CNBD1: variants seen among roughly 807,000 people sequenced by gnomAD.
CNBD1 encodes the protein cyclic nucleotide-binding domain-containing protein 1.
In CNBD1, 71 loss-of-function variants were observed where a neutral mutation model predicts 54.4. The ratio of observed to expected loss-of-function variants is 1.30; its 90% CI spans 1.08 to 1.59. The LOEUF is 1.59. Among genes scored for constraint, CNBD1 ranks in the 40% most tolerant of loss-of-function variants. The probability of loss-of-function intolerance (pLI) is 0.00; values close to 1 mark genes in which losing one functional copy is unlikely to be tolerated. For synonymous variants in CNBD1, 182 were observed against 170.7 expected (o/e 1.07, Z -0.51); for missense variants, 659 against 518.0 (o/e 1.27, Z -2.64).
chr8:87,341,768 CA>C (rs1810068328), intron 8 of CNBD1, among the ~76,000 whole-genome samples: 1 of 152,208 alleles, frequency 6.6e-6, no homozygotes, highest in Non-Finnish European at 1.5e-5. Context: ...AAGTAGAGAG[CA>C]AAACCTTACC....
intron 4 of CNBD1, among the ~76,000 whole-genome samples, chr8:87,179,726 G>C (rs1330850355): frequency 3.3e-5 from 5 of 152,260 alleles, no homozygotes; most frequent in Non-Finnish European, 7.3e-5. Context: ...GTGCAATATA[G>C]AGTTTATAAT....
chr8:86,981,396 C>A (rs1010676902), intron 4 of CNBD1, among the ~76,000 whole-genome samples: 1 of 152,082 alleles, frequency 6.6e-6, no homozygotes, highest in Non-Finnish European at 1.5e-5. Context: ...TTACCATGTT[C>A]TCTTGGTAAC....
chr8:87,412,102 A>G (rs1040168274), intron 2 of CNBD1, among the ~76,000 whole-genome samples: 4 of 152,006 alleles, frequency 2.6e-5, no homozygotes, highest in Non-Finnish European at 4.4e-5. Context: ...AAGTGTTTAG[A>G]AAAAAATTAA....
Position 87,265,658 on chromosome 8 carries a change from C to T in CNBD1, c.772-19020C>T, listed in dbSNP as rs184600479. On this transcript the variant is annotated intron_variant, in intron 6 of 10. Transcript: ENST00000518476. ...CAATCTTTGAGCTAAATCTAGGCTGCAGTCTCTTTTTCTTAATAAAGTTTT... is the reference window on the plus strand; with the variant it reads ...CAATCTTTGAGCTAAATCTAGGCTGTAGTCTCTTTTTCTTAATAAAGTTTT... Among the ~76,000 whole-genome samples, 45 of 152,168 alleles carry T rather than the reference C, an allele frequency of 3.0e-4. 1 individual carries two copies. The East Asian group carries it at 8.3e-3, about 28-fold the overall frequency.
intron 5 of CNBD1, among the ~76,000 whole-genome samples, chr8:87,235,665 A>T (rs1050276421): frequency 1.3e-5 from 2 of 152,178 alleles, no homozygotes; most frequent in Non-Finnish European, 2.9e-5. Context: ...ATCACAGATC[A>T]CAACAGATAT....
chr8:87,349,622 G>A (rs1053955306), intron 8 of CNBD1, among the ~76,000 whole-genome samples: 1 of 152,130 alleles, frequency 6.6e-6, no homozygotes, highest in African/African-American at 2.4e-5. Flanking sequence ...TGATCTGCCC[G>A]CCTCGGCCTC....
At chr8:87,312,270 T>C (rs1809283559) in intron 8 of CNBD1, among the ~76,000 whole-genome samples, 1 of 152,128 alleles carries the variant, frequency 6.6e-6, no homozygotes, top group Admixed American at 6.6e-5. Flanking sequence ...GTTGCAAGGT[T>C]GCAATGCTTT....
chr8:87,425,620 T>G (rs1436795858), intron 2 of CNBD1, among the ~76,000 whole-genome samples: 2 of 152,106 alleles, frequency 1.3e-5, no homozygotes, highest in Non-Finnish European at 2.9e-5. Flanking sequence ...TGCCTCCCAG[T>G]TAGGCTGCTC....
intron 4 of CNBD1, among the ~76,000 whole-genome samples, chr8:87,056,533 A>G (rs1348338340): frequency 6.6e-6 from 1 of 152,222 alleles, no homozygotes; most frequent in African/African-American, 2.4e-5. Context: ...CGGGTTATAA[A>G]CCAACAGTAT....
At chr8:87,116,195 C>CTTTTTTTTTTT (rs71556428) in intron 4 of CNBD1, among the ~76,000 whole-genome samples, 2 of 74,526 alleles carry the variant, frequency 2.7e-5, no homozygotes, top group Non-Finnish European at 4.8e-5. Context: ...ATTCTCATGT[C>CTTTTTTTTTTT]TTTTTTTTTT....
At chr8:87,412,508 C>A (rs1331432123) in intron 2 of CNBD1, among the ~76,000 whole-genome samples, 1 of 152,000 alleles carries the variant, frequency 6.6e-6, no homozygotes, top group Non-Finnish European at 1.5e-5. Flanking sequence ...CCCACATGGT[C>A]CCTGTTCAAA....
At chr8:87,016,455 GA>G (rs199917855) in intron 4 of CNBD1, among the ~76,000 whole-genome samples, 26,935 of 125,964 alleles carry the variant, frequency 0.21, 2,434 homozygotes, top group African/African-American at 0.24. Flanking sequence ...AAAATTAAAT[GA>G]AAAAAAAAAA....
At chr8:87,311,641 C>A (rs1414289626) in intron 8 of CNBD1, among the ~76,000 whole-genome samples, 1 of 152,060 alleles carries the variant, frequency 6.6e-6, no homozygotes, top group Non-Finnish European at 1.5e-5. Context: ...AGGACACATG[C>A]ACTTGTATGT....
chr8:86,938,367 C>T (rs1231162985), intron 3 of CNBD1, among the ~76,000 whole-genome samples: 5 of 152,124 alleles, frequency 3.3e-5, no homozygotes, highest in Admixed American at 1.3e-4. Flanking sequence ...TACCCAGTTC[C>T]GAAGTCACTT....
chr8:87,217,850 C>G (rs561467305), intron 5 of CNBD1, among the ~76,000 whole-genome samples: 3 of 151,934 alleles, frequency 2.0e-5, no homozygotes, highest in Non-Finnish European at 4.4e-5. Context: ...AGTGGAGAAA[C>G]CATCTGGACT....
At chr8:86,929,872 CCTTA>C (rs1283653911) in intron 3 of CNBD1, among the ~76,000 whole-genome samples, 1 of 152,184 alleles carries the variant, frequency 6.6e-6, no homozygotes, top group Non-Finnish European at 1.5e-5. Context: ...ACATCAATTT[CCTTA>C]CTTAGGTATG....
chr8:86,908,406 T>G (rs1307178310), intron 3 of CNBD1, among the ~76,000 whole-genome samples: 1 of 152,178 alleles, frequency 6.6e-6, no homozygotes, highest in Non-Finnish European at 1.5e-5. Context: ...AAGACTTGGT[T>G]TTGTGTTTTT....
At chr8:87,221,919 G>A (rs898923124) in intron 5 of CNBD1, among the ~76,000 whole-genome samples, 3 of 151,994 alleles carry the variant, frequency 2.0e-5, no homozygotes, top group African/African-American at 7.2e-5. Context: ...TATTAGACTT[G>A]TGTCTTAAAA....
chr8:86,996,179 CT>C (rs1251673126), intron 4 of CNBD1, among the ~76,000 whole-genome samples: 1 of 152,068 alleles, frequency 6.6e-6, no homozygotes, highest in Non-Finnish European at 1.5e-5. Context: ...TTTCCTAAGG[CT>C]ATTTTCTCCC....
Sources: allele counts gnomAD v4.1 joint callset (sites outside exome capture counted in the v4.1 genomes callset), GRCh38; gene constraint gnomAD v4.1.1; transcripts MANE v1.5; gene names NCBI Gene and HGNC (gene_info 2026-07-23, HGNC 2026-07-21).